NCKAP5: variants seen among roughly 807,000 people sequenced by gnomAD.
The protein encoded by NCKAP5 is NCK associated protein 5.
Under a neutral mutation model 167.0 loss-of-function variants are expected in NCKAP5, and 92 were observed. The ratio of observed to expected loss-of-function variants is 0.55; its 90% CI spans 0.47 to 0.66. The LOEUF (loss-of-function observed/expected upper bound fraction) is 0.66, where lower values mean the gene tolerates loss of function less well. NCKAP5 is among the 30% of genes least tolerant of loss of function. NCKAP5 has a pLI of 0.00. For missense variants in NCKAP5, 2,378 were observed against 2,315.0 expected, an observed-to-expected ratio of 1.03 and a Z score of -0.56; for synonymous variants, 891 against 877.4, an observed-to-expected ratio of 1.02 and a Z score of -0.27.
At chr2:133,594,740 T>G in the NCKAP5 span, among the ~76,000 whole-genome samples, 1 of 152,168 alleles carries the variant, frequency 6.6e-6, no homozygotes, top group African/African-American at 2.4e-5. Flanking sequence ...TAAAAGAAAC[T>G]TTGATACAAA....
chr2:133,319,148 T>TCCCCCCCCCCCCCCCCCCCCCCC (rs373462959), intron 3 of NCKAP5, among the ~76,000 whole-genome samples: 1 of 84,604 alleles, frequency 1.2e-5, no homozygotes, highest in African/African-American at 3.7e-5. Context: ...GAGCCACCCC[T>TCCCCCCCCCCCCCCCCCCCCCCC]CCCCCCCCGC....
chr2:132,838,715 T>C (rs952956502), intron 11 of NCKAP5, among the ~76,000 whole-genome samples: 6 of 152,224 alleles, frequency 3.9e-5, no homozygotes, highest in Non-Finnish European at 8.8e-5. Flanking sequence ...TCTTGTGGGC[T>C]AATTAGCTTT....
intron 6 of NCKAP5, among the ~76,000 whole-genome samples, chr2:133,029,342 TGTC>T (rs1229684257): frequency 1.3e-5 from 2 of 152,208 alleles, no homozygotes; most frequent in African/African-American, 4.8e-5. Flanking sequence ...TAGGCATTAC[TGTC>T]CCCATTTGTA....
intron 3 of NCKAP5, among the ~76,000 whole-genome samples, chr2:133,381,081 G>A (rs1686485679): frequency 6.6e-6 from 1 of 152,194 alleles, no homozygotes; most frequent in Non-Finnish European, 1.5e-5. Context: ...AACAAGTCTG[G>A]GAAAGTAGAA....
chr2:133,435,497 G>C (rs1051544207), intron 3 of NCKAP5, among the ~76,000 whole-genome samples: 3 of 152,114 alleles, frequency 2.0e-5, no homozygotes, highest in Non-Finnish European at 2.9e-5. Context: ...AGGTTGGAAC[G>C]AAGCCAGTCT....
intron 6 of NCKAP5, among the ~76,000 whole-genome samples, chr2:133,110,880 G>T (rs2081886240): frequency 6.6e-6 from 1 of 152,128 alleles, no homozygotes. Flanking sequence ...TGCCGTCGTT[G>T]CTGGGATCTG....
chr2:132,942,819 A>G (rs1306464014), intron 8 of NCKAP5, among the ~76,000 whole-genome samples: 2 of 152,224 alleles, frequency 1.3e-5, no homozygotes, highest in Non-Finnish European at 2.9e-5. Context: ...CAAAGTAATC[A>G]AGTATACCAC....
chr2:132,851,490 C>A (rs1689075269), intron 11 of NCKAP5, among the ~76,000 whole-genome samples: 1 of 152,208 alleles, frequency 6.6e-6, no homozygotes, highest in Non-Finnish European at 1.5e-5. Context: ...GCAGCTGCAG[C>A]AGGCCAGGCA....
chr2:132,925,200 A>G (rs555648881), intron 8 of NCKAP5, among the ~76,000 whole-genome samples: 1 of 152,242 alleles, frequency 6.6e-6, no homozygotes, highest in Middle Eastern at 3.4e-3. Flanking sequence ...GATTCTTATA[A>G]GGAGTGCACA....
chr2:132,836,460 G>A (rs1382028931), intron 11 of NCKAP5, among the ~76,000 whole-genome samples: 1 of 150,400 alleles, frequency 6.6e-6, no homozygotes, highest in Non-Finnish European at 1.5e-5. Context: ...TTCTGAAAAT[G>A]TGATTTTTTT....
At position 132,785,654 on chromosome 2, in the gene NCKAP5, C is replaced by T; in HGVS notation, c.1157G>A (p.Ser386Asn). The T allele has an allele frequency of 6.6e-7, 1 of 1,518,626 alleles. No individual in the cohort carries two copies. Among genetic ancestry groups the T allele is most frequent in the Non-Finnish European group, 8.8e-7 (1 of 1,135,822 alleles). 94.1% of individuals were successfully genotyped at this position (1,518,626 alleles called of 1,614,324 possible). A position where few individuals can be genotyped will look rare whatever the true frequency, so the allele number is the denominator to read the frequency against. ...IDSSLPSGFA[S>N]PTNELPPTRI... Reference sequence around the variant, plus strand: ...AGTTGGAGGTAGTTCATTTGTAGGACTAGCAAAGCCACTTGGGAGCGAAGA... The same window carrying T: ...AGTTGGAGGTAGTTCATTTGTAGGATTAGCAAAGCCACTTGGGAGCGAAGA... The change falls in exon 14 of 20, where the codon AGT becomes AAT. Residue 386 changes from serine (S) to asparagine (N), a missense_variant. Ser to Asn is a conservative substitution (Grantham distance 46). This residue lies in a region of NCKAP5 where 1,049 missense variants were observed against 1,023.4 expected (regional missense o/e 1.02). Coordinates refer to ENST00000409261, the MANE Select transcript of NCKAP5 (RefSeq NM_207363.3).
At chr2:133,047,894 T>C (rs1445118249) in intron 6 of NCKAP5, among the ~76,000 whole-genome samples, 1 of 152,210 alleles carries the variant, frequency 6.6e-6, no homozygotes, top group Non-Finnish European at 1.5e-5. Context: ...AGGTTGCATA[T>C]ATAAAATGAA....
the NCKAP5 span, among the ~76,000 whole-genome samples, chr2:133,576,966 T>A: frequency 2.0e-5 from 3 of 152,206 alleles, no homozygotes; most frequent in Non-Finnish European, 2.9e-5. Flanking sequence ...GATTGGAACA[T>A]GCTCTCCTTT....
In NCKAP5 at chr2:132,887,910, A is replaced by G. The variant is rs1692383883; in HGVS notation, c.580-8994T>C. ...GGTGATCCTACCACCTCAGCCTCCC[A>G]AAGCATAAATAGTGATTTAAATTCT... On this transcript the variant is annotated intron_variant, in intron 8 of 19. Transcript: ENST00000409261. Among the ~76,000 whole-genome samples, 2 of 152,142 alleles carry G rather than the reference A, an allele frequency of 1.3e-5. 1 individual carries two copies. Among genetic ancestry groups the G allele is most frequent in the South Asian group, 4.1e-4 (2 of 4,824 alleles).
chr2:133,208,856 AGGACTAGTTTGC>A (rs1250586341), intron 5 of NCKAP5, among the ~76,000 whole-genome samples: 3 of 152,178 alleles, frequency 2.0e-5, no homozygotes, highest in African/African-American at 7.2e-5. Flanking sequence ...TTCTATTTTC[AGGACTAGTTTGC>A]GTAACAGAAC....
the NCKAP5 span, among the ~76,000 whole-genome samples, chr2:133,644,405 T>C: frequency 1.3e-5 from 2 of 152,182 alleles, no homozygotes; most frequent in Non-Finnish European, 2.9e-5. Flanking sequence ...TCCAATTCCA[T>C]GAAACCTCTG....
chr2:133,612,438 T>C, the NCKAP5 span, among the ~76,000 whole-genome samples: 19 of 152,296 alleles, frequency 1.2e-4, no homozygotes, highest in African/African-American at 4.1e-4. Context: ...TACACAAGCA[T>C]TGTGTTTTAC....
intron 19 of NCKAP5, among the ~76,000 whole-genome samples, chr2:132,681,740 C>T (rs1336534432): frequency 6.6e-6 from 1 of 152,014 alleles, no homozygotes; most frequent in Admixed American, 6.6e-5. Flanking sequence ...GCGGCGAGTG[C>T]CAAAGCTAGG....
At chr2:133,473,087 A>T (rs1679496304) in intron 3 of NCKAP5, among the ~76,000 whole-genome samples, 1 of 152,186 alleles carries the variant, frequency 6.6e-6, no homozygotes, top group East Asian at 1.9e-4. Flanking sequence ...TAATCCAAGC[A>T]CTTTGGGAGG....
Sources: gnomAD v4.1 joint callset for allele counts (sites outside exome capture counted in the v4.1 genomes callset) on GRCh38, gnomAD v4.1.1 for gene constraint, gnomAD v4.1.1 regional missense constraint, MANE v1.5 for transcripts, NCBI Gene and HGNC (gene_info 2026-07-23, HGNC 2026-07-21) for gene names.